Variants in EFCAB8 observed in about 807,000 individuals in gnomAD.
EFCAB8 encodes the protein EF-hand calcium-binding domain-containing protein 8.
A neutral mutation model predicts 116.3 loss-of-function variants in EFCAB8; 100 were observed. The observed-to-expected ratio is 0.86, with a 90% CI of 0.73 to 1.02. The LOEUF is 1.02. Among genes scored for constraint, EFCAB8 ranks in the 50% least tolerant of loss-of-function variants. EFCAB8 has a pLI of 0.00. For synonymous variants in EFCAB8, 558 were observed against 567.9 expected (o/e 0.98, Z 0.25); for missense variants, 1,320 against 1,416.9 (o/e 0.93, Z 1.10).
rs749932540 is a variant in EFCAB8, at chr20:32,917,505, G to C, written c.2061G>C (p.Arg687Ser). 94 of 1,539,298 alleles carry C rather than the reference G, an allele frequency of 6.1e-5. No individual in the cohort carries two copies. Among genetic ancestry groups the C allele is most frequent in the Non-Finnish European group, 8.1e-5 (92 of 1,140,000 alleles). The change falls in exon 18 of 27, where the codon AGG (arginine) becomes AGC (serine). Residue 687 changes from arginine to serine, a missense_variant and splice_region_variant. Transcript: ENST00000400522. ...GCCCCTCGCCCTTGCAGCCCAAGAG[G>C]GTATGTTAACAGGAGCACACTCTCC... ...SRSPSPLQPKRVQDVNNCLAE... is the reference protein window; with the variant it reads ...SRSPSPLQPKSVQDVNNCLAE...
intron 9 of EFCAB8, among the ~76,000 whole-genome samples, chr20:32,895,135 T>A (rs924961637): frequency 6.6e-6 from 1 of 152,128 alleles, no homozygotes; most frequent in South Asian, 2.1e-4. Flanking sequence ...GGAGGACCCA[T>A]GTTTGTCCCT....
intron 10 of EFCAB8, among the ~76,000 whole-genome samples, chr20:32,897,797 G>A (rs773178936): frequency 9.2e-5 from 14 of 152,066 alleles, no homozygotes; most frequent in Non-Finnish European, 1.9e-4. Flanking sequence ...CCTTCATTGC[G>A]ACAGATGCTT....
chr20:32,913,278 C>A (rs1482487790), intron 17 of EFCAB8, among the ~76,000 whole-genome samples: 3 of 152,124 alleles, frequency 2.0e-5, no homozygotes, highest in Admixed American at 6.6e-5. Context: ...TGAGGGCCTA[C>A]TTCCTGATTC....
intron 20 of EFCAB8, among the ~76,000 whole-genome samples, chr20:32,929,005 C>T (rs1987780718): frequency 6.6e-6 from 1 of 151,374 alleles, no homozygotes; most frequent in Non-Finnish European, 1.5e-5. Flanking sequence ...TATGTTGAAT[C>T]ATCCTTGCAT....
intron 14 of EFCAB8, among the ~76,000 whole-genome samples, chr20:32,909,086 C>T (rs904802013): frequency 1.3e-5 from 2 of 152,168 alleles, no homozygotes; most frequent in African/African-American, 2.4e-5. Context: ...AAAAGAGATG[C>T]GGGGGCCGCT....
rs1568908331 is a variant in EFCAB8, at chr20:32,885,522, T to C, written c.449T>C (p.Val150Ala). ...TCCCACAGGAACCATGGCTGTGAGGTGGTGAAGGTGGTGTTTTTAATCCAC... is the reference window on the plus strand; with the variant it reads ...TCCCACAGGAACCATGGCTGTGAGGCGGTGAAGGTGGTGTTTTTAATCCAC... ...TVVPLNHGCE[V>A]VKVVFLIHRF... The change falls in exon 6 of 27, where the codon GTG (valine) becomes GCG (alanine). Residue 150 changes from valine to alanine, a missense_variant. Transcript: ENST00000400522. The C allele has an allele frequency of 1.9e-6, 3 of 1,551,590 alleles. No individual in the cohort carries two copies. Among genetic ancestry groups the C allele is most frequent in the Non-Finnish European group, 2.6e-6 (3 of 1,146,968 alleles).
intron 22 of EFCAB8, among the ~76,000 whole-genome samples, chr20:32,932,708 G>A (rs1987953913): frequency 6.6e-6 from 1 of 152,130 alleles, no homozygotes; most frequent in South Asian, 2.1e-4. Flanking sequence ...CCATTTTAAG[G>A]TAAATTTGTC....
intron 23 of EFCAB8, among the ~76,000 whole-genome samples, chr20:32,944,387 C>A (rs1487370211): frequency 6.6e-6 from 1 of 151,900 alleles, no homozygotes; most frequent in Non-Finnish European, 1.5e-5. Flanking sequence ...ATCGTTTGAA[C>A]CTGGGAGGCA....
chr20:32,887,233 G>C (rs1420551007), intron 6 of EFCAB8, among the ~76,000 whole-genome samples: 2 of 152,236 alleles, frequency 1.3e-5, no homozygotes, highest in East Asian at 1.9e-4. Flanking sequence ...TTTTCAGATC[G>C]TACTTCTTTC....
Position 32,892,212 on chromosome 20 carries a change from G to A in EFCAB8, c.674-1G>A, listed in dbSNP as rs981722282. The A allele has an allele frequency of 2.6e-6, 4 of 1,551,550 alleles. No homozygotes were observed. The African/African-American group carries it at 5.5e-5, about 21-fold the overall frequency. On this transcript the variant is annotated splice_acceptor_variant, in intron 7 of 26. Coordinates refer to ENST00000400522, the MANE Select transcript of EFCAB8 (RefSeq NM_001143967.2). LOFTEE classifies it high-confidence loss of function. ...TATGTGGCCTTCTGTCTTTCCCCCA[G>A]ATTTCTTTGATATTAGTGACCACAA...
chr20:32,940,444 A>G lies in EFCAB8; in HGVS notation c.2791-3192A>G, dbSNP rs150763516. Among the ~76,000 whole-genome samples the G allele has an allele frequency of 3.5e-3, 529 of 149,926 alleles. 42 individuals are homozygous for G. The highest frequency in any genetic ancestry group is 0.013 in the African/African-American group (511 of 40,426). Reference sequence around the variant, plus strand: ...TACAAAAATTAACTCCAAATGGATCATAGACCTAAATGTAAGAGCCAAAAT... The same window carrying G: ...TACAAAAATTAACTCCAAATGGATCGTAGACCTAAATGTAAGAGCCAAAAT... On this transcript the variant is annotated intron_variant, in intron 22 of 26. Coordinates refer to ENST00000400522, the MANE Select transcript of EFCAB8 (RefSeq NM_001143967.2).
chr20:32,879,479 A>G (rs1985200717), intron 5 of EFCAB8, among the ~76,000 whole-genome samples: 1 of 152,198 alleles, frequency 6.6e-6, no homozygotes, highest in Admixed American at 6.6e-5. Flanking sequence ...TCTGAGGTTC[A>G]TTGGCAGGGA....
intron 7 of EFCAB8, among the ~76,000 whole-genome samples, chr20:32,889,776 C>T (rs895819621): frequency 5.3e-5 from 8 of 151,910 alleles, no homozygotes; most frequent in South Asian, 2.1e-4. Flanking sequence ...CCGAGGCAGG[C>T]GGATCACCTG....
intron 11 of EFCAB8, among the ~76,000 whole-genome samples, chr20:32,903,301 C>T: frequency 6.6e-6 from 1 of 152,226 alleles, no homozygotes; most frequent in East Asian, 1.9e-4. Flanking sequence ...CTCCGCTGCC[C>T]TGGACCCTCC....
rs765904763 is a variant in EFCAB8 at position 32,892,248 on chromosome 20, G to T, written c.709G>T (p.Ala237Ser). 5.0e-5 allele frequency: 78 copies of T among 1,551,536 alleles called. No homozygotes were observed. The highest frequency in any genetic ancestry group is 6.4e-5 in the Non-Finnish European group (73 of 1,146,998). The change falls in exon 8 of 27, where the codon GCC becomes TCC. Residue 237 changes from alanine to serine, a missense_variant. By Grantham distance (99) the Ala-to-Ser change is moderately conservative (BLOSUM62 1). Transcript: ENST00000400522. The stretch of plus-strand genomic sequence containing the variant: ...TATTAGTGACCACAAATGTGTCCGG[G>T]CCTTCACCTTTGTTGATCTGGACAG... ...FDISDHKCVRAFTFVDLDSCA... is the reference protein window; with the variant it reads ...FDISDHKCVRSFTFVDLDSCA...
intron 19 of EFCAB8, 59 bp downstream of exon 19, chr20:32,918,633 C>A: frequency 1.3e-6 from 2 of 1,485,854 alleles, no homozygotes; most frequent in Admixed American, 2.0e-5. Flanking sequence ...GGCGTTCACA[C>A]ACCGTCTGTG....
chr20:32,894,848 T>C (rs1224871100), intron 9 of EFCAB8, among the ~76,000 whole-genome samples: 1 of 152,234 alleles, frequency 6.6e-6, no homozygotes, highest in Admixed American at 6.5e-5. Context: ...AAACTGATGA[T>C]TAAACCACAG....
intron 2 of EFCAB8, among the ~76,000 whole-genome samples, chr20:32,865,985 T>G (rs780948432): frequency 5.9e-5 from 9 of 151,690 alleles, no homozygotes; most frequent in Non-Finnish European, 1.2e-4. Flanking sequence ...CCAGGAATAA[T>G]TAACTGGAGG....
Position 32,889,308 on chromosome 20 carries a change from A to C in EFCAB8, c.575A>C (p.Gln192Pro), listed in dbSNP as rs745840628. The C allele has an allele frequency of 3.2e-6, 5 of 1,551,624 alleles. No homozygotes were observed. The highest frequency in any genetic ancestry group is 1.7e-6 in the Non-Finnish European group (2 of 1,146,982). ...TGCTCTTCCTCTGGCCAGCTTAACC[A>C]GACCCAGCAGCTCTACAACCAGCCG... ...FSLMSSFRLN[Q>P]TQQLYNQPMW... Residue 192 changes from glutamine (Q) to proline (P), a missense_variant, in exon 7 of 27, where the codon CAG (glutamine) becomes CCG (proline). Gln to Pro is a moderately conservative substitution (Grantham distance 76, BLOSUM62 -1). Transcript: ENST00000400522.
Sources: allele counts gnomAD v4.1 joint callset (sites outside exome capture counted in the v4.1 genomes callset), GRCh38; gene constraint gnomAD v4.1.1; transcripts MANE v1.5; gene names NCBI Gene and HGNC (gene_info 2026-07-23, HGNC 2026-07-21).